Variants in PLEKHH2 observed in about 807,000 individuals in gnomAD.
PLEKHH2 encodes the protein pleckstrin homology, MyTH4 and FERM domain containing H2, also known as pleckstrin homology domain-containing family H member 2.
PLEKHH2 carries 129 observed loss-of-function variants against 187.9 expected under a neutral mutation model. The ratio of observed to expected loss-of-function variants is 0.69; its 90% confidence interval spans 0.59 to 0.79. The LOEUF (loss-of-function observed/expected upper bound fraction) is 0.79, where lower values mean the gene tolerates loss of function less well. PLEKHH2 is among the 30% of genes least tolerant of loss of function. PLEKHH2 has a pLI of 0.00. For synonymous variants in PLEKHH2, 686 were observed against 605.6 expected (o/e 1.13, Z -1.95); for missense variants, 2,076 against 1,751.2 (o/e 1.19, Z -3.31).
intron 9 of PLEKHH2, among the ~76,000 whole-genome samples, chr2:43,704,662 T>TAAAA (rs70965318): frequency 0.011 from 885 of 84,222 alleles, 23 homozygotes; most frequent in African/African-American, 0.038. Flanking sequence ...GATTCTGTCT[T>TAAAA]AAAAAAAAAA....
At chr2:43,682,537 C>A (rs1183586697) in intron 3 of PLEKHH2, among the ~76,000 whole-genome samples, 1 of 152,056 alleles carries the variant, frequency 6.6e-6, no homozygotes, top group South Asian at 2.1e-4. Flanking sequence ...GAACTCCTGA[C>A]CTTGTGATTT....
At chr2:43,671,605 A>G (rs1667501919) in intron 2 of PLEKHH2, among the ~76,000 whole-genome samples, 3 of 152,104 alleles carry the variant, frequency 2.0e-5, no homozygotes, top group African/African-American at 4.8e-5. Flanking sequence ...TTTTGTAGAT[A>G]CCTTTTATTA....
intron 2 of PLEKHH2, among the ~76,000 whole-genome samples, chr2:43,678,571 G>A (rs1463906664): frequency 4.6e-5 from 7 of 152,170 alleles, no homozygotes; most frequent in Non-Finnish European, 1.0e-4. Flanking sequence ...CCAGTCAGGC[G>A]TGGCGGCGCG....
chr2:43,675,412 A>T, intron 2 of PLEKHH2: 1 of 1,605,686 alleles, frequency 6.2e-7, no homozygotes, highest in Non-Finnish European at 8.5e-7. Context: ...CAAGAAAACG[A>T]GTGTGTCATT....
chr2:43,715,367 A>T (rs116366633), intron 15 of PLEKHH2, among the ~76,000 whole-genome samples: 2,119 of 152,274 alleles, frequency 0.014, 61 homozygotes, highest in African/African-American at 0.049. Flanking sequence ...GGGCCTATGG[A>T]TGGTGGAAAG....
chr2:43,728,868 AC>A (rs1205418602), intron 17 of PLEKHH2, among the ~76,000 whole-genome samples: 1 of 152,034 alleles, frequency 6.6e-6, no homozygotes, highest in East Asian at 1.9e-4. Context: ...GGCCTACAAT[AC>A]TCTTTTTAAA....
Position 43,712,243 on chromosome 2 carries a change from A to G in PLEKHH2, c.2320A>G (p.Thr774Ala), listed in dbSNP as rs577718828. 4.1e-5 allele frequency: 66 copies of G among 1,613,346 alleles called. 1 individual carries two copies. The South Asian group carries it at 6.9e-4, about 17-fold the overall frequency. ...QTVQLTTEKH[T>A]YYLTADSPNI... ...ATTCTAGTTGACCACTGAAAAACAC[A>G]CATACTATCTGACTGCAGATTCTCC... The change falls in exon 15 of 30, where the codon ACA becomes GCA. Residue 774 changes from threonine (T) to alanine (A), a missense_variant. By Grantham distance (58) the Thr-to-Ala change is moderately conservative. Transcript: ENST00000282406.
At chr2:43,764,751 T>G (rs1672559518) in intron 29 of PLEKHH2, among the ~76,000 whole-genome samples, 1 of 152,208 alleles carries the variant, frequency 6.6e-6, no homozygotes, top group Non-Finnish European at 1.5e-5. Flanking sequence ...GTTATTTGCT[T>G]TATGGACTCA....
intron 8 of PLEKHH2, among the ~76,000 whole-genome samples, chr2:43,701,478 G>C (rs1270549532): frequency 1.3e-5 from 2 of 152,142 alleles, no homozygotes; most frequent in Admixed American, 1.3e-4. Flanking sequence ...GGAAAGAAGG[G>C]TTCCCCCTAA....
chr2:43,703,914 GTCT>G, intron 8 of PLEKHH2, 64 bp from the exon 9 acceptor site: 3 of 652,104 alleles, frequency 4.6e-6, no homozygotes, highest in Non-Finnish European at 4.8e-6. Flanking sequence ...ATTGAAAGTA[GTCT>G]TTTTTTTTTT....
Position 43,729,676 on chromosome 2 carries a change from A to C in PLEKHH2, c.2761A>C (p.Asn921His). Residue 921 changes from asparagine (N) to histidine (H), a missense_variant, in exon 18 of 30, where the codon AAC becomes CAC. Transcript: ENST00000282406. ...TCATCTGACTGTTGCAGCTGGAAGCAACAATGTAAACGTTGGATCTGAATT... is the reference window on the plus strand; with the variant it reads ...TCATCTGACTGTTGCAGCTGGAAGCCACAATGTAAACGTTGGATCTGAATT... ...LYHLTVAAGS[N>H]NVNVGSEFEQ... is the part of the protein sequence containing the mutation. The C allele has an allele frequency of 6.2e-7, 1 of 1,609,592 alleles. No individual in the cohort carries two copies. The highest frequency in any genetic ancestry group is 1.1e-5 in the South Asian group (1 of 89,884).
chr2:43,692,282 T>C, intron 3 of PLEKHH2: 1 of 337,462 alleles, frequency 3.0e-6, no homozygotes, highest in Non-Finnish European at 5.4e-6. Flanking sequence ...TTACTTTATA[T>C]GATAGCAATA....
At chr2:43,755,919 A>C (rs1478785614) in intron 25 of PLEKHH2, among the ~76,000 whole-genome samples, 2 of 152,182 alleles carry the variant, frequency 1.3e-5, no homozygotes, top group African/African-American at 4.8e-5. Flanking sequence ...GCACAATGTC[A>C]CCTGTGCATG....
intron 2 of PLEKHH2, chr2:43,675,749 T>G (rs1667723405): frequency 6.2e-7 from 1 of 1,613,852 alleles, no homozygotes. Context: ...AGTCTTTTCA[T>G]CAACTCTCTG....
intron 2 of PLEKHH2, among the ~76,000 whole-genome samples, chr2:43,655,496 A>C (rs763304513): frequency 3.9e-5 from 6 of 152,226 alleles, no homozygotes; most frequent in African/African-American, 1.4e-4. Flanking sequence ...TTGAACTTTC[A>C]TGAAGCTCTT....
chr2:43,709,184 A>G (rs1669821089), intron 11 of PLEKHH2, among the ~76,000 whole-genome samples: 1 of 152,198 alleles, frequency 6.6e-6, no homozygotes, highest in Admixed American at 6.5e-5. Flanking sequence ...TAGTTTGTTT[A>G]TATCTTTCAA....
rs1380524060 is a variant in PLEKHH2, at chr2:43,677,179, T to C, written c.124-1684T>C. 2.6e-5 allele frequency among the ~76,000 whole-genome samples: 4 copies of C among 152,090 alleles called. No individual in the cohort carries two copies. The East Asian group carries it at 7.7e-4, about 29-fold the overall frequency. On this transcript the variant is annotated intron_variant, in intron 2 of 29. Transcript: ENST00000282406. ...ATCTCCAGTGAACTAGTTTAAAATATCCAAACTGATGATGACTTTATGAGT... is the reference window on the plus strand; with the variant it reads ...ATCTCCAGTGAACTAGTTTAAAATACCCAAACTGATGATGACTTTATGAGT...
intron 2 of PLEKHH2, chr2:43,676,002 A>G (rs772388554): frequency 6.2e-7 from 1 of 1,613,998 alleles, no homozygotes; most frequent in Non-Finnish European, 8.5e-7. Context: ...TATTGAACAA[A>G]TTATCATTTT....
At chr2:43,753,792 G>C (rs1672097834) in intron 25 of PLEKHH2, 32 bp downstream of exon 25, 1 of 1,409,488 alleles carries the variant, frequency 7.1e-7, no homozygotes, top group African/African-American at 1.5e-5. Flanking sequence ...GTAATATATT[G>C]AAATAATATG....
Sources: gnomAD v4.1 joint callset for allele counts (sites outside exome capture counted in the v4.1 genomes callset) on GRCh38, gnomAD v4.1.1 for gene constraint, MANE v1.5 for transcripts, NCBI Gene and HGNC (gene_info 2026-07-23, HGNC 2026-07-21) for gene names.